The following RBFOX1 variants were observed in gnomAD, a reference collection of about 807,000 sequenced individuals.
The protein encoded by RBFOX1 is RNA binding fox-1 homolog 1.
In RBFOX1, 8 loss-of-function variants were observed where a neutral mutation model predicts 57.7. That is an observed-to-expected ratio of 0.14 (90% CI 0.08 to 0.25). The LOEUF (loss-of-function observed/expected upper bound fraction) is 0.25. RBFOX1 is among the 10% of genes least tolerant of loss of function. RBFOX1 has a pLI of 1.00. For synonymous variants in RBFOX1, 326 were observed against 222.4 expected, an observed-to-expected ratio of 1.47 and a Z score of -4.15; for missense variants, 611 against 548.5, an observed-to-expected ratio of 1.11 and a Z score of -1.14.
chr16:5,403,304 C>T lies in RBFOX1; in HGVS notation c.220-63912C>T, dbSNP rs557746475. On this transcript the variant is annotated intron_variant, in intron 1 of 2. Transcript: ENST00000585867. Reference sequence around the variant, plus strand: ...GGTGGAGTTTGCGGTGTGCCGAGATCGTGCCATTGCACTCCAGTCTGGGAA... The same window carrying T: ...GGTGGAGTTTGCGGTGTGCCGAGATTGTGCCATTGCACTCCAGTCTGGGAA... Among the ~76,000 whole-genome samples the T allele has an allele frequency of 9.7e-5, 14 of 143,996 alleles. No individual in the cohort carries two copies. In the South Asian group the frequency reaches 1.6e-3, roughly 16 times the overall value. 94.5% of individuals were successfully genotyped at this position (143,996 alleles called of 152,430 possible).
chr16:5,574,046 C>T (rs763827573), intron 2 of RBFOX1, among the ~76,000 whole-genome samples: 2 of 152,220 alleles, frequency 1.3e-5, no homozygotes, highest in Non-Finnish European at 2.9e-5. Context: ...CCCCCGATGC[C>T]ATTCTTCTGA....
intron 3 of RBFOX1, among the ~76,000 whole-genome samples, chr16:6,676,256 G>A (rs367801257): frequency 7.9e-5 from 12 of 152,088 alleles, no homozygotes; most frequent in Admixed American, 7.2e-4. Context: ...CGGGGAGTTC[G>A]GAGGAAGGCC....
At chr16:6,788,544 C>T (rs1401841915) in intron 3 of RBFOX1, among the ~76,000 whole-genome samples, 2 of 151,798 alleles carry the variant, frequency 1.3e-5, no homozygotes, top group Admixed American at 1.3e-4. Context: ...GGCGTGATCT[C>T]GGCTCACTGC....
At chr16:7,642,717 C>A (rs1241977958) in intron 11 of RBFOX1, among the ~76,000 whole-genome samples, 6 of 151,666 alleles carry the variant, frequency 4.0e-5, no homozygotes, top group Admixed American at 6.6e-5. Context: ...TCCCGGGAAA[C>A]AACAACATGG....
intron 2 of RBFOX1, among the ~76,000 whole-genome samples, chr16:5,513,034 G>C (rs1331212029): frequency 2.0e-5 from 3 of 152,124 alleles, no homozygotes; most frequent in African/African-American, 7.2e-5. Flanking sequence ...TTCCACCTCA[G>C]CCTTACAAAT....
At chr16:5,570,821 CAG>C (rs2046256450) in intron 2 of RBFOX1, among the ~76,000 whole-genome samples, 1 of 128,120 alleles carries the variant, frequency 7.8e-6, no homozygotes, top group Admixed American at 8.8e-5. Flanking sequence ...GTCTGGGCAA[CAG>C]AGTGAAACTC....
At chr16:7,094,779 T>TGTGTGTGTGTGTGG (rs1567232725) in intron 4 of RBFOX1, among the ~76,000 whole-genome samples, 3 of 135,054 alleles carry the variant, frequency 2.2e-5, no homozygotes, top group Non-Finnish European at 3.3e-5. Context: ...TGTGTGTGGG[T>TGTGTGTGTGTGTGG]GTGTGTGTGT....
At chr16:6,213,031 G>A (rs538592648) in intron 1 of RBFOX1, among the ~76,000 whole-genome samples, 48 of 152,208 alleles carry the variant, frequency 3.2e-4, no homozygotes, top group Non-Finnish European at 6.0e-4. Context: ...ACATCCCTGC[G>A]TTGTAACCTT....
At chr16:7,393,201 C>T (rs532797633) in intron 4 of RBFOX1, among the ~76,000 whole-genome samples, 3 of 152,188 alleles carry the variant, frequency 2.0e-5, no homozygotes, top group African/African-American at 7.2e-5. Flanking sequence ...TTGCTCCTTG[C>T]ATATAGTCAA....
At position 6,097,138 on chromosome 16, in the gene RBFOX1, G is replaced by A. The variant is rs763503312; in HGVS notation, c.-127+77146G>A. Among the ~76,000 whole-genome samples the A allele has an allele frequency of 4.6e-5, 7 of 152,024 alleles. No homozygotes were observed. The highest frequency in any genetic ancestry group is 9.7e-5 in the African/African-American group (4 of 41,368). On this transcript the variant is annotated intron_variant, in intron 1 of 15. Transcript: ENST00000550418. This position sits in a 1 kb window ranked among gnomAD's most constrained non-coding sequence, Gnocchi z 5.0. ...GATAAGGGGAAATCGCTTTCACTTC[G>A]TTCTTATATTCTTTCCTGTCTGCTG...
intron 4 of RBFOX1, chr16:7,304,436 G>A (rs1568119975): frequency 2.0e-6 from 2 of 985,374 alleles, no homozygotes; most frequent in Non-Finnish European, 2.4e-6. Flanking sequence ...CCCAACGTGG[G>A]CATGTGTCCC....
chr16:7,112,409 C>T (rs1280227470), intron 4 of RBFOX1, among the ~76,000 whole-genome samples: 3 of 141,510 alleles, frequency 2.1e-5, no homozygotes, highest in East Asian at 2.1e-4. Context: ...GACGTGGTTT[C>T]GCCATGTTGG....
intron 4 of RBFOX1, among the ~76,000 whole-genome samples, chr16:7,378,770 A>G (rs2097732131): frequency 6.6e-6 from 1 of 152,202 alleles, no homozygotes; most frequent in South Asian, 2.1e-4. Context: ...GTACTGCAGA[A>G]CACGGACACT....
At chr16:7,695,649 C>CAAAAAAA (rs34363093) in intron 14 of RBFOX1, among the ~76,000 whole-genome samples, 4 of 98,368 alleles carry the variant, frequency 4.1e-5, no homozygotes, top group East Asian at 3.0e-4. Flanking sequence ...AAGCCTCCAT[C>CAAAAAAA]AAAAAAAAAA....
chr16:6,360,538 C>A (rs1019140540), intron 2 of RBFOX1, among the ~76,000 whole-genome samples: 6 of 152,102 alleles, frequency 3.9e-5, no homozygotes, highest in African/African-American at 1.4e-4. Context: ...AGTCTCTACT[C>A]CTCTGTTTTA....
At chr16:7,165,387 G>GTAATAATAATAATAA (rs142157694) in intron 4 of RBFOX1, among the ~76,000 whole-genome samples, 32,388 of 140,898 alleles carry the variant, frequency 0.23, 4,277 homozygotes, top group East Asian at 0.43. Flanking sequence ...TAACTCTTCT[G>GTAATAATAATAATAA]TAATAATAAT....
chr16:5,986,107 G>A (rs1455965973), intron 4 of RBFOX1, among the ~76,000 whole-genome samples: 1 of 150,762 alleles, frequency 6.6e-6, no homozygotes, highest in Non-Finnish European at 1.5e-5. Flanking sequence ...TTGTTACCCA[G>A]GCTGGGTGCA....
chr16:7,137,590 C>T (rs1008298382), intron 4 of RBFOX1, among the ~76,000 whole-genome samples: 1 of 152,124 alleles, frequency 6.6e-6, no homozygotes, highest in Admixed American at 6.5e-5. Flanking sequence ...ATACATTACC[C>T]AGTCTCAGGT....
At chr16:7,063,114 T>C (rs1297899732) in intron 4 of RBFOX1, among the ~76,000 whole-genome samples, 2 of 151,978 alleles carry the variant, frequency 1.3e-5, no homozygotes. Flanking sequence ...GCTGACTTTA[T>C]GTATTGACAG....
Sources: allele counts gnomAD v4.1 joint callset (sites outside exome capture counted in the v4.1 genomes callset), GRCh38; gene constraint gnomAD v4.1.1; non-coding constraint Gnocchi (gnomAD v3.1); transcripts MANE v1.5; gene names NCBI Gene and HGNC (gene_info 2026-07-23, HGNC 2026-07-21).